Variants in L1CAM observed in about 807,000 individuals in gnomAD.
L1CAM encodes the protein neural cell adhesion molecule L1.
A neutral mutation model predicts 93.0 loss-of-function variants in L1CAM; 8 were observed. That is an observed-to-expected ratio of 0.09 (90% confidence interval 0.05 to 0.16). The LOEUF (loss-of-function observed/expected upper bound fraction) is 0.16. L1CAM is among the 10% of genes least tolerant of loss of function. L1CAM has a pLI of 1.00. For missense variants in L1CAM, 777 were observed against 1,073.4 expected (o/e 0.72, Z 3.86); for synonymous variants, 453 against 453.0 (o/e 1.00, Z 0.00).
At chrX:153,865,911 C>T in intron 19 of L1CAM, 92 bp from the exon 20 acceptor site, 3 of 606,593 alleles carry the variant, frequency 4.9e-6, no homozygotes, top group Non-Finnish European at 8.6e-6. Context: ...AAGACGAATT[C>T]GGATATTTTA....
chrX:153,882,992 G>C (rs1473720124), intron 1 of L1CAM, among the ~76,000 whole-genome samples: 2 of 112,295 alleles, frequency 1.8e-5, no homozygotes, highest in Non-Finnish European at 3.8e-5. Context: ...CTGGGGAAGA[G>C]GCAAGCTGGG....
intron 1 of L1CAM, among the ~76,000 whole-genome samples, chrX:153,879,515 A>C (rs1276704069): frequency 9.0e-6 from 1 of 111,517 alleles, no homozygotes; most frequent in Non-Finnish European, 1.9e-5. Flanking sequence ...GGGAGGAGGG[A>C]AGATGGGCCT....
intron 14 of L1CAM, 84 bp from the exon 15 acceptor site, chrX:153,868,206 C>T (rs1277674073): frequency 8.3e-7 from 1 of 1,197,949 alleles, no homozygotes; most frequent in African/African-American, 1.8e-5. Flanking sequence ...TCCCCCGCTC[C>T]TGTCAGAGCC....
rs782707120 is a variant in L1CAM, at chrX:153,867,929, G to A, written c.1829-19C>T. 11 of 1,207,464 alleles carry A rather than the reference G, an allele frequency of 9.1e-6. No individual in the cohort carries two copies. Among genetic ancestry groups the A allele is most frequent in the East Asian group, 8.9e-5 (3 of 33,721 alleles). On this transcript the variant is annotated intron_variant, in intron 15 of 28. Coordinates refer to ENST00000370060, the MANE Select transcript of L1CAM (RefSeq NM_001278116.2). Reference sequence around the variant, plus strand: ...GGGCTCCCTGAGGGTGGGGAGGGTCGGTGCTTGAAAGGGCCCAGGGATGTG... The same window carrying A: ...GGGCTCCCTGAGGGTGGGGAGGGTCAGTGCTTGAAAGGGCCCAGGGATGTG...
Position 153,866,736 on chromosome X carries a change from C to T in L1CAM, c.2344G>A (p.Val782Met), listed in dbSNP as rs200385894. 1.4e-5 allele frequency: 17 copies of T among 1,209,386 alleles called. No individual in the cohort carries two copies. The highest frequency in any genetic ancestry group is 8.8e-5 in the African/African-American group (5 of 57,049). The change falls in exon 19 of 29, where the codon GTG becomes ATG. Residue 782 changes from valine to methionine, a missense_variant. Physicochemically the swap from Val to Met is conservative, Grantham distance 21. This residue lies in a region of L1CAM where 574 missense variants were observed against 781.0 expected (regional missense o/e 0.73). Transcript: ENST00000370060. ...FLVVSNTSTF[V>M]PYEIKVQAVN... ...GCCTGGACTTTGATCTCATAGGGCA[C>T]GAAGGTGGACGTGTTGGACACCACC...
intron 17 of L1CAM, 99 bp downstream of exon 17, chrX:153,867,257 G>A (rs1296400893): frequency 1.0e-6 from 1 of 987,202 alleles, no homozygotes; most frequent in Non-Finnish European, 1.4e-6. Context: ...CTGGAAATTT[G>A]GAAGCAGAGG....
chrX:153,863,216 G>A (rs1173638000), intron 28 of L1CAM, 152 bp downstream of exon 28: 2 of 593,853 alleles, frequency 3.4e-6, no homozygotes, highest in East Asian at 3.6e-5. Flanking sequence ...GGGCGTGTTG[G>A]CCTCTCCCTG....
At position 153,864,409 on chromosome X, in the gene L1CAM, C is replaced by T; in HGVS notation, c.3235G>A (p.Asp1079Asn). Reference sequence around the variant, plus strand: ...TCGTAGTCAGTGTCAGGCTGCAGGTCCCACTGCGTGTAGGAGCTCTGGTTG... The same window carrying T: ...TCGTAGTCAGTGTCAGGCTGCAGGTTCCACTGCGTGTAGGAGCTCTGGTTG... Reference protein sequence around the residue: ...SYNQSSYTQWDLQPDTDYEIH... With the variant: ...SYNQSSYTQWNLQPDTDYEIH... Residue 1079 changes from aspartate (D) to asparagine (N), a missense_variant, in exon 25 of 29, where the codon GAC becomes AAC. By Grantham distance (23) the Asp-to-Asn change is conservative. Around this residue, in one of 5 missense-constraint regions of L1CAM, gnomAD observed 18 missense variants for 53.0 expected, o/e 0.34. Transcript: ENST00000370060. 8.3e-7 allele frequency: 1 copy of T among 1,211,107 alleles called. No homozygotes were observed.
chrX:153,862,638 A>T lies in L1CAM; in HGVS notation c.*25T>A, dbSNP rs200759092. The T allele has an allele frequency of 2.2e-4, 249 of 1,138,437 alleles. No homozygotes were observed. Among genetic ancestry groups the T allele is most frequent in the Non-Finnish European group, 2.8e-4 (238 of 835,883 alleles). The allele number at this position is 1,138,437 out of a possible 1,213,427, so 93.8% of individuals were successfully genotyped here. On this transcript the variant is annotated 3_prime_UTR_variant, in exon 29 of 29. Transcript: ENST00000370060. ...GGGCCTGGATCCCAAGGCCAGGGGC[A>T]CAGCATCTCCTGTCCTGGACTCCAC...
intron 1 of L1CAM, among the ~76,000 whole-genome samples, chrX:153,882,770 G>T (rs1449395538): frequency 9.0e-6 from 1 of 111,529 alleles, no homozygotes; most frequent in African/African-American, 3.3e-5. Flanking sequence ...GCCCCTGCTG[G>T]GTGTAAGGGC....
At chrX:153,873,124 C>T in intron 3 of L1CAM, 104 bp downstream of exon 3, 1 of 800,325 alleles carries the variant, frequency 1.2e-6, no homozygotes, top group Non-Finnish European at 1.9e-6. Flanking sequence ...GAGAGCCGAG[C>T]AGGGCCCCGG....
In L1CAM at chrX:153,864,021, A is replaced by C. The variant is rs1261459918; in HGVS notation, c.3323-4T>G. The C allele has an allele frequency of 8.3e-7, 1 of 1,210,676 alleles. No individual in the cohort carries two copies. Among genetic ancestry groups the C allele is most frequent in the Non-Finnish European group, 1.1e-6 (1 of 895,167 alleles). On this transcript the variant is annotated splice_region_variant and splice_polypyrimidine_tract_variant and intron_variant, in intron 25 of 28. Coordinates refer to ENST00000370060, the MANE Select transcript of L1CAM (RefSeq NM_001278116.2). Reference sequence around the variant, plus strand: ...GCAGGAGGGAGCCTCACGCGGCCTGAGGGTGAGACACCAGCCCCCCGTGCT... The same window carrying C: ...GCAGGAGGGAGCCTCACGCGGCCTGCGGGTGAGACACCAGCCCCCCGTGCT...
rs782405837 is a variant in L1CAM at position 153,862,898 on chromosome X, C to A, written c.3543-4G>T. ...AAAGGCCTTCTCCTCGTTGTCACTG[C>A]AGAGGCACAGGGCAGGTGCGAGTGA... On this transcript the variant is annotated splice_polypyrimidine_tract_variant and splice_region_variant and intron_variant, in intron 28 of 28. Transcript: ENST00000370060. The A allele has an allele frequency of 8.4e-7, 1 of 1,195,466 alleles. No homozygotes were observed. The highest frequency in any genetic ancestry group is 1.8e-5 in the South Asian group (1 of 56,012).
chrX:153,867,330 T>C (rs374814034), intron 17 of L1CAM, 26 bp downstream of exon 17: 1 of 1,175,051 alleles, frequency 8.5e-7, no homozygotes, highest in Non-Finnish European at 1.2e-6. Flanking sequence ...CCAGGTGGCA[T>C]GGGAGTGGGT....
intron 1 of L1CAM, among the ~76,000 whole-genome samples, chrX:153,882,741 A>G (rs1256145838): frequency 2.7e-5 from 3 of 110,716 alleles, no homozygotes; most frequent in Non-Finnish European, 5.7e-5. Flanking sequence ...GCCCCACCCA[A>G]CCCCTGGCCC....
In L1CAM at chrX:153,873,304, G is replaced by C. The variant is rs151097278; in HGVS notation, c.77-62C>G. On this transcript the variant is annotated intron_variant, in intron 2 of 28. Coordinates refer to ENST00000370060, the MANE Select transcript of L1CAM (RefSeq NM_001278116.2). The stretch of plus-strand genomic sequence containing the variant: ...AGAGAAATACTGACAGGCAGCCCCA[G>C]AGTGGGGCAGATGGCAGGGGACATA... 1.3e-4 allele frequency: 139 copies of C among 1,096,054 alleles called. 1 individual carries two copies. In the East Asian group the frequency reaches 3.9e-3, roughly 31 times the overall value. The allele number at this position is 1,096,054 out of a possible 1,213,427, so 90.3% of individuals were successfully genotyped here.
chrX:153,885,816 C>A (rs1367870871), intron 1 of L1CAM: 1 of 658,598 alleles, frequency 1.5e-6, no homozygotes. Flanking sequence ...AGGCCAGCAT[C>A]TGGGGCCCCG....
chrX:153,871,951 G>A (rs2064774426), intron 5 of L1CAM, among the ~76,000 whole-genome samples: 2 of 106,148 alleles, frequency 1.9e-5, no homozygotes, highest in Non-Finnish European at 3.9e-5. Flanking sequence ...ATGACCGGAA[G>A]TGCAATGGAG....
intron 2 of L1CAM, among the ~76,000 whole-genome samples, chrX:153,874,797 G>A (rs1557094078): frequency 8.9e-6 from 1 of 112,138 alleles, no homozygotes; most frequent in Non-Finnish European, 1.9e-5. Context: ...ATGATACCCT[G>A]TGACATGCCC....
Sources: gnomAD v4.1 joint callset for allele counts (sites outside exome capture counted in the v4.1 genomes callset) on GRCh38, gnomAD v4.1.1 for gene constraint, gnomAD v4.1.1 regional missense constraint, MANE v1.5 for transcripts, NCBI Gene and HGNC (gene_info 2026-07-23, HGNC 2026-07-21) for gene names.